Variants in SIPA1L3 observed in about 807,000 individuals in gnomAD.
The protein encoded by SIPA1L3 is signal induced proliferation associated 1 like 3.
In SIPA1L3, 59 loss-of-function variants were observed where a neutral mutation model predicts 150.1. That is an observed-to-expected ratio of 0.39 (90% CI 0.32 to 0.49). The LOEUF (loss-of-function observed/expected upper bound fraction) is 0.49, where lower values mean the gene tolerates loss of function less well. SIPA1L3 is among the 20% of genes least tolerant of loss of function. The probability of loss-of-function intolerance (pLI) is 0.86; values close to 1 mark genes in which losing one functional copy is unlikely to be tolerated. For missense variants in SIPA1L3, 2,211 were observed against 2,489.5 expected (o/e 0.89, Z 2.38); for synonymous variants, 1,070 against 1,077.6 (o/e 0.99, Z 0.14).
At chr19:38,040,906 G>A (rs893496408) in intron 2 of SIPA1L3, among the ~76,000 whole-genome samples, 4 of 150,596 alleles carry the variant, frequency 2.7e-5, no homozygotes, top group African/African-American at 7.3e-5. Context: ...GACTACAGGC[G>A]CCCACCACCA....
At chr19:37,961,354 A>T (rs1364384221) in intron 1 of SIPA1L3, among the ~76,000 whole-genome samples, 3 of 151,932 alleles carry the variant, frequency 2.0e-5, no homozygotes, top group Non-Finnish European at 4.4e-5. Context: ...TTTGCTGGCT[A>T]TAGAATTCTT....
intron 1 of SIPA1L3, among the ~76,000 whole-genome samples, chr19:38,018,179 T>TTC (rs1968283035): frequency 6.8e-6 from 1 of 147,528 alleles, no homozygotes. Flanking sequence ...TTTTTTTTTT[T>TTC]TTTAGGCAGA....
chr19:38,072,563 C>A (rs1258903438), intron 2 of SIPA1L3, among the ~76,000 whole-genome samples: 3 of 152,234 alleles, frequency 2.0e-5, no homozygotes, highest in South Asian at 4.1e-4. Flanking sequence ...TCCCTCACAT[C>A]TTCTCAGACT....
intron 2 of SIPA1L3, among the ~76,000 whole-genome samples, chr19:38,038,319 G>A (rs900801521): frequency 6.6e-6 from 1 of 152,026 alleles, no homozygotes; most frequent in African/African-American, 2.4e-5. Flanking sequence ...CAGGCCAGAC[G>A]AGGTGGCTCA....
At chr19:38,035,870 C>T (rs934512889) in intron 2 of SIPA1L3, among the ~76,000 whole-genome samples, 4 of 152,122 alleles carry the variant, frequency 2.6e-5, no homozygotes, top group East Asian at 3.9e-4. Context: ...AGATAATAAG[C>T]GTGAGCTGCT....
chr19:38,126,017 C>T (rs539976448), intron 9 of SIPA1L3, among the ~76,000 whole-genome samples: 6 of 152,050 alleles, frequency 3.9e-5, no homozygotes, highest in Admixed American at 1.3e-4. Flanking sequence ...ACTAAACATA[C>T]GAAAAAATTA....
intron 1 of SIPA1L3, among the ~76,000 whole-genome samples, chr19:37,934,929 T>C (rs1451493105): frequency 2.0e-5 from 3 of 152,232 alleles, no homozygotes; most frequent in African/African-American, 7.2e-5. Context: ...CATAATTGAT[T>C]TGGCCAAGAC....
chr19:38,002,660 A>G (rs913464094), intron 1 of SIPA1L3, among the ~76,000 whole-genome samples: 1 of 134,362 alleles, frequency 7.4e-6, no homozygotes, highest in Non-Finnish European at 1.5e-5. Flanking sequence ...CGGAGGTTGC[A>G]GTGAGCTGAG....
chr19:38,065,642 G>A (rs1051875885), intron 2 of SIPA1L3, among the ~76,000 whole-genome samples: 26 of 151,618 alleles, frequency 1.7e-4, no homozygotes, highest in Non-Finnish European at 3.2e-4. Context: ...GGCTGGTCTC[G>A]AACTCCCGAC....
At chr19:38,173,846 G>GAGCAGTGCAAAGGTCCCAAGGT (rs1226639251) in intron 15 of SIPA1L3, among the ~76,000 whole-genome samples, 3 of 152,194 alleles carry the variant, frequency 2.0e-5, no homozygotes, top group African/African-American at 7.2e-5. Flanking sequence ...GCAGGGCGGG[G>GAGCAGTGCAAAGGTCCCAAGGT]AGCAGTGCAA....
intron 1 of SIPA1L3, among the ~76,000 whole-genome samples, chr19:37,943,144 G>A (rs75159793): frequency 6.6e-6 from 1 of 151,310 alleles, no homozygotes; most frequent in South Asian, 2.1e-4. Flanking sequence ...AAAGTTGCTG[G>A]GATTCTAGGC....
At chr19:38,059,687 A>C (rs1437331679) in intron 2 of SIPA1L3, among the ~76,000 whole-genome samples, 3 of 152,208 alleles carry the variant, frequency 2.0e-5, no homozygotes, top group Non-Finnish European at 4.4e-5. Context: ...TTACCGAAGA[A>C]TTCCAAAGCA....
chr19:38,159,485 G>T (rs1349251735), intron 13 of SIPA1L3, among the ~76,000 whole-genome samples: 5 of 152,238 alleles, frequency 3.3e-5, no homozygotes, highest in Non-Finnish European at 7.3e-5. Context: ...AGTTTGTGGG[G>T]GGTCCAGTGA....
intron 1 of SIPA1L3, among the ~76,000 whole-genome samples, chr19:38,025,670 A>G (rs960443997): frequency 3.9e-5 from 6 of 152,246 alleles, no homozygotes; most frequent in East Asian, 1.9e-4. Context: ...TTCCGTTGCA[A>G]TTTAAAAGGC....
At chr19:38,035,431 T>C (rs912078167) in intron 2 of SIPA1L3, among the ~76,000 whole-genome samples, 2 of 152,096 alleles carry the variant, frequency 1.3e-5, no homozygotes, top group African/African-American at 4.8e-5. Flanking sequence ...GCCACGGGGC[T>C]GTGGGAACCC....
intron 16 of SIPA1L3, among the ~76,000 whole-genome samples, chr19:38,190,322 G>T (rs1972780013): frequency 6.6e-6 from 1 of 152,140 alleles, no homozygotes; most frequent in South Asian, 2.1e-4. Flanking sequence ...ATCAAAAGGG[G>T]TGGGGGAGTC....
intron 16 of SIPA1L3, among the ~76,000 whole-genome samples, chr19:38,189,491 C>T (rs965008317): frequency 6.6e-6 from 1 of 151,968 alleles, no homozygotes; most frequent in Non-Finnish European, 1.5e-5. Flanking sequence ...TTTGGCCAGG[C>T]GCGGTGGCCC....
At chr19:38,202,494 A>T (rs916737993) in intron 20 of SIPA1L3, among the ~76,000 whole-genome samples, 2 of 152,134 alleles carry the variant, frequency 1.3e-5, no homozygotes, top group Non-Finnish European at 2.9e-5. Context: ...AGGCTGTGGC[A>T]GGAGAATTGC....
intron 12 of SIPA1L3, among the ~76,000 whole-genome samples, chr19:38,143,143 C>T (rs1412011165): frequency 6.6e-6 from 1 of 151,942 alleles, no homozygotes; most frequent in Non-Finnish European, 1.5e-5. Flanking sequence ...CATGGCTCCC[C>T]ACCAGCCTGA....
Sources: allele counts gnomAD v4.1 joint callset (sites outside exome capture counted in the v4.1 genomes callset), GRCh38; gene constraint gnomAD v4.1.1; transcripts MANE v1.5; gene names NCBI Gene and HGNC (gene_info 2026-07-23, HGNC 2026-07-21).